OCA2: variants seen among roughly 807,000 people sequenced by gnomAD.
The protein encoded by OCA2 is P protein.
In OCA2, 77 loss-of-function variants were observed where a neutral mutation model predicts 100.2. The observed-to-expected ratio is 0.77, with a 90% confidence interval of 0.64 to 0.93. The LOEUF is 0.93. Ranked by LOEUF, OCA2 falls within the 40% of genes least tolerant of loss-of-function variation. OCA2 has a pLI of 0.00. For synonymous variants in OCA2, 432 were observed against 439.2 expected (o/e 0.98, Z 0.21); for missense variants, 1,062 against 1,089.1 (o/e 0.98, Z 0.35).
chr15:27,950,450 T>G (rs1182590361), intron 18 of OCA2: 1 of 459,474 alleles, frequency 2.2e-6, no homozygotes, highest in Non-Finnish European at 4.3e-6. Flanking sequence ...ACAATTGAAA[T>G]TCACAAAATC....
At chr15:27,831,206 A>C (rs2034936274) in intron 23 of OCA2, among the ~76,000 whole-genome samples, 1 of 147,460 alleles carries the variant, frequency 6.8e-6, no homozygotes. Context: ...GAATCGCTTG[A>C]ACCAGGGAGT....
intron 21 of OCA2, among the ~76,000 whole-genome samples, chr15:27,857,599 T>C (rs2035989906): frequency 6.6e-6 from 1 of 151,562 alleles, no homozygotes; most frequent in Non-Finnish European, 1.5e-5. Context: ...AAAAAATAAA[T>C]AAAATTTAAA....
At chr15:28,001,858 AG>A (rs2041938040) in intron 9 of OCA2, among the ~76,000 whole-genome samples, 1 of 152,194 alleles carries the variant, frequency 6.6e-6, no homozygotes, top group African/African-American at 2.4e-5. Flanking sequence ...AGAGCTGCAG[AG>A]GAGCCACAGA....
At chr15:27,945,025 T>G (rs944266419) in intron 18 of OCA2, among the ~76,000 whole-genome samples, 5 of 152,170 alleles carry the variant, frequency 3.3e-5, no homozygotes, top group Admixed American at 2.0e-4. Flanking sequence ...TTCACCACAC[T>G]AGCCCCAATC....
chr15:28,052,669 G>A (rs2043552650), intron 2 of OCA2, among the ~76,000 whole-genome samples: 1 of 152,200 alleles, frequency 6.6e-6, no homozygotes, highest in South Asian at 2.1e-4. Context: ...ATGACACTAC[G>A]ATACGATGTA....
chr15:27,931,190 G>T (rs1395308378), intron 18 of OCA2, among the ~76,000 whole-genome samples: 4 of 148,918 alleles, frequency 2.7e-5, no homozygotes, highest in Admixed American at 6.9e-5. Flanking sequence ...AACAAAAAAA[G>T]TACTAAGATC....
At chr15:28,012,578 C>T (rs114082692) in intron 9 of OCA2, among the ~76,000 whole-genome samples, 2,060 of 151,416 alleles carry the variant, frequency 0.014, 43 homozygotes, top group African/African-American at 0.048. Flanking sequence ...ATCTGCTAGC[C>T]GTAATAAAAA....
At chr15:27,798,691 C>T (rs189516533) in intron 23 of OCA2, among the ~76,000 whole-genome samples, 2 of 152,112 alleles carry the variant, frequency 1.3e-5, no homozygotes, top group East Asian at 1.9e-4. Context: ...AAACACCAGG[C>T]CCATTGAAGA....
intron 23 of OCA2, among the ~76,000 whole-genome samples, chr15:27,796,687 G>C (rs763141859): frequency 1.3e-5 from 2 of 152,190 alleles, no homozygotes; most frequent in African/African-American, 4.8e-5. Context: ...GCCTATCATC[G>C]TCCAGAGCAC....
intron 19 of OCA2, among the ~76,000 whole-genome samples, chr15:27,902,269 G>A (rs866143045): frequency 6.0e-5 from 9 of 151,194 alleles, no homozygotes; most frequent in South Asian, 2.1e-4. Context: ...ATTTAAATAC[G>A]TGAAATGCTT....
chr15:27,829,279 T>TGATAGATAGATA (rs56223349), intron 23 of OCA2, among the ~76,000 whole-genome samples: 4,704 of 107,568 alleles, frequency 0.044, 110 homozygotes, highest in Non-Finnish European at 0.069. Flanking sequence ...AGAAGATAGA[T>TGATAGATAGATA]GATAGATAGA....
chr15:27,969,703 A>ACC (rs904494097), intron 14 of OCA2, among the ~76,000 whole-genome samples: 23 of 152,300 alleles, frequency 1.5e-4, no homozygotes, highest in African/African-American at 5.5e-4. Context: ...CAAAAGAGGA[A>ACC]CCCTCAATCA....
rs572390070 is a variant in OCA2 at position 27,779,723 on chromosome 15, T to C, written c.2433-24251A>G. Among the ~76,000 whole-genome samples the C allele has an allele frequency of 7.9e-5, 12 of 152,338 alleles. No homozygotes were observed. In the East Asian group the frequency reaches 2.3e-3, roughly 29 times the overall value. On this transcript the variant is annotated intron_variant, in intron 23 of 23. Transcript: ENST00000354638. ...GCTTTTTTGAATCCATTCATCCACT[T>C]TATGTCTTTTGATTGGGGAATTTAA... is the stretch of plus-strand genomic sequence containing the variant.
At chr15:27,961,468 T>C (rs1486531606) in intron 15 of OCA2, among the ~76,000 whole-genome samples, 3 of 152,230 alleles carry the variant, frequency 2.0e-5, no homozygotes, top group Non-Finnish European at 4.4e-5. Flanking sequence ...CAAAGGATTA[T>C]AAATCATTCT....
chr15:27,955,272 G>A lies in OCA2; in HGVS notation c.1785-57C>T, dbSNP rs762153865. The A allele has an allele frequency of 6.7e-5, 85 of 1,276,942 alleles. No individual in the cohort carries two copies. The African/African-American group carries it at 1.0e-3, about 15-fold the overall frequency. The allele number at this position is 1,276,942 out of a possible 1,614,324, so 79.1% of individuals were successfully genotyped here. Reference sequence around the variant, plus strand: ...CCTGGTCACGCTGCGTGGTGAGATCGCGGAGCAGCAGTCCCCAGCGCTTCG... The same window carrying A: ...CCTGGTCACGCTGCGTGGTGAGATCACGGAGCAGCAGTCCCCAGCGCTTCG... On this transcript the variant is annotated intron_variant, in intron 16 of 23. Coordinates refer to ENST00000354638, the MANE Select transcript of OCA2 (RefSeq NM_000275.3).
chr15:27,767,908 A>C (rs139953226), intron 23 of OCA2, among the ~76,000 whole-genome samples: 1 of 152,252 alleles, frequency 6.6e-6, no homozygotes, highest in African/African-American at 2.4e-5. Context: ...AAAAACTCCT[A>C]CTGGAGTCAG....
chr15:28,070,715 T>C (rs1303972349), intron 2 of OCA2, among the ~76,000 whole-genome samples: 1 of 149,328 alleles, frequency 6.7e-6, no homozygotes, highest in Admixed American at 6.6e-5. Context: ...CTTTGTGGAA[T>C]AGAAAGGCGG....
chr15:27,856,319 C>T (rs2035947001), intron 21 of OCA2, among the ~76,000 whole-genome samples: 1 of 152,128 alleles, frequency 6.6e-6, no homozygotes, highest in Admixed American at 6.5e-5. Flanking sequence ...GGAGACAATT[C>T]AATTCAAACA....
rs2033429829 is a variant in OCA2, at chr15:27,798,174, G to A, written c.2433-42702C>T. 2.0e-5 allele frequency among the ~76,000 whole-genome samples: 3 copies of A among 152,202 alleles called. No homozygotes were observed. In the South Asian group the frequency reaches 6.2e-4, roughly 32 times the overall value. ...GAAAATGTCTTTTAAGATGGGAGGT[G>A]GGGTCAGAGGGGAGAGCTTGGAGGA... On this transcript the variant is annotated intron_variant, in intron 23 of 23. Coordinates refer to ENST00000354638, the MANE Select transcript of OCA2 (RefSeq NM_000275.3).
Sources: gnomAD v4.1 joint callset for allele counts (sites outside exome capture counted in the v4.1 genomes callset) on GRCh38, gnomAD v4.1.1 for gene constraint, MANE v1.5 for transcripts, NCBI Gene and HGNC (gene_info 2026-07-23, HGNC 2026-07-21) for gene names.